Variants in ORMDL1 observed in about 807,000 individuals in gnomAD.
ORMDL1 encodes ORM1-like protein 1.
In ORMDL1, 10 loss-of-function variants were observed where a neutral mutation model predicts 13.0. The observed-to-expected ratio is 0.77, with a 90% confidence interval of 0.47 to 1.30. The LOEUF is 1.30. Ranked by LOEUF, ORMDL1 falls within the 50% of genes most tolerant of loss-of-function variation. The probability of loss-of-function intolerance (pLI) is 0.00; values close to 1 mark genes in which losing one functional copy is unlikely to be tolerated. For missense variants in ORMDL1, 171 were observed against 186.7 expected (o/e 0.92, Z 0.49); for synonymous variants, 61 against 63.9 (o/e 0.95, Z 0.22).
rs1405510340 is a variant in ORMDL1, at chr2:189,771,055, G to T, written c.*712C>A. The stretch of plus-strand genomic sequence containing the variant: ...GTTTAGCAGCCTTGTGTCTGGAAAA[G>T]CAGTAAAACCTGCTTTGTTCCAAAA... On this transcript the variant is annotated 3_prime_UTR_variant, in exon 5 of 5. Coordinates refer to ENST00000392349, the MANE Select transcript of ORMDL1 (RefSeq NM_016467.5). The T allele has an allele frequency of 6.6e-6, 1 of 152,168 alleles. No homozygotes were observed. Among genetic ancestry groups the T allele is most frequent in the Non-Finnish European group, 1.5e-5 (1 of 68,026 alleles). 9.4% of individuals were successfully genotyped at this position (152,168 alleles called of 1,614,324 possible).
chr2:189,775,478 A>T, intron 4 of ORMDL1, 87 bp downstream of exon 4: 1 of 1,383,736 alleles, frequency 7.2e-7, no homozygotes, highest in East Asian at 2.4e-5. Flanking sequence ...TTGCAACAAA[A>T]TATGTTTCTA....
At chr2:189,783,350 G>A (rs149045678) in intron 1 of ORMDL1, 35 of 152,266 alleles carry the variant, frequency 2.3e-4, no homozygotes, top group African/African-American at 7.7e-4. Context: ...TTTTAATGAT[G>A]GTGTTTACTT....
At chr2:189,781,905 T>C (rs1398642998) in intron 3 of ORMDL1, among the ~76,000 whole-genome samples, 2 of 151,234 alleles carry the variant, frequency 1.3e-5, no homozygotes. Context: ...TTAAAAACTA[T>C]GTTTAAACAC....
At position 189,771,801 on chromosome 2, in the gene ORMDL1, T is replaced by C. The variant is rs773437815; in HGVS notation, c.428A>G (p.His143Arg). Residue 143 changes from histidine to arginine, a missense_variant, in exon 5 of 5, where the codon CAT (histidine) becomes CGT (arginine). Physicochemically the swap from His to Arg is conservative, Grantham distance 29. Coordinates refer to ENST00000392349, the MANE Select transcript of ORMDL1 (RefSeq NM_016467.5). ...SVLIPKMPQL[H>R]GVRIFGINKY ...ATTAATTCCAAAGATCCGAACACCA[T>C]GTAGTTGTGGCATTTTGGGAATTAG... is the stretch of plus-strand genomic sequence containing the variant. 98 of 1,611,982 alleles carry C rather than the reference T, an allele frequency of 6.1e-5. 4 individuals are homozygous for C. Among genetic ancestry groups the C allele is most frequent in the South Asian group, 2.2e-4 (20 of 90,550 alleles).
downstream of ORMDL1, among the ~76,000 whole-genome samples, chr2:189,768,987 A>C (rs1445430626): frequency 6.6e-6 from 1 of 152,104 alleles, no homozygotes; most frequent in Non-Finnish European, 1.5e-5. Flanking sequence ...CAAATTGTAA[A>C]TTCTATTACA....
Position 189,782,560 on chromosome 2 carries a change from T to C in ORMDL1, c.36A>G (p.Pro12=). The part of the protein sequence containing the change: ...NVGVAHSEVN[P]NTRVMNSRGM... ...CCCGGCTGTTCATGACACGGGTATT[T>C]GGATTCACTTCACTGTGGGCAACTC... Residue 12 remains proline (P), a synonymous_variant, in exon 3 of 5, where the codon CCA becomes CCG. Transcript: ENST00000392349. 2.5e-6 allele frequency: 4 copies of C among 1,614,244 alleles called. No individual in the cohort carries two copies. The South Asian group carries it at 4.4e-5, about 18-fold the overall frequency.
chr2:189,767,660 T>A (rs925495941), downstream of ORMDL1, among the ~76,000 whole-genome samples: 1 of 152,234 alleles, frequency 6.6e-6, no homozygotes, highest in Non-Finnish European at 1.5e-5. Context: ...CACATACTTA[T>A]GCTGTCTGAG....
At position 189,779,813 on chromosome 2, in the gene ORMDL1, C is replaced by T. The variant is rs564190549; in HGVS notation, c.174+2609G>A. On this transcript the variant is annotated intron_variant, in intron 3 of 4. Coordinates refer to ENST00000392349, the MANE Select transcript of ORMDL1 (RefSeq NM_016467.5). ...AAGTTGAGAGTAAAGCAGTAGAAGA[C>T]AGTGCTCTGAGCAAATGGATATGGA... Among the ~76,000 whole-genome samples, 5 of 152,264 alleles carry T rather than the reference C, an allele frequency of 3.3e-5. No individual in the cohort carries two copies. In the South Asian group the frequency reaches 1.0e-3, roughly 32 times the overall value.
intron 3 of ORMDL1, 127 bp from the exon 4 acceptor site, chr2:189,775,843 T>A: frequency 3.6e-6 from 3 of 844,966 alleles, no homozygotes; most frequent in Non-Finnish European, 5.1e-6. Flanking sequence ...TTTTAAGCTT[T>A]CATATAATAG....
Position 189,771,784 on chromosome 2 carries a change from C to T in ORMDL1, c.445G>A (p.Gly149Arg). ...MPQLHGVRIF[G>R]INKY ...AAAACATTTCAATACTTATTAATTCCAAAGATCCGAACACCATGTAGTTGT... is the reference window on the plus strand; with the variant it reads ...AAAACATTTCAATACTTATTAATTCTAAAGATCCGAACACCATGTAGTTGT... The change falls in exon 5 of 5, where the codon GGA (glycine) becomes AGA (arginine). Residue 149 changes from glycine (G) to arginine (R), a missense_variant. Transcript: ENST00000392349. 6.3e-7 allele frequency: 1 copy of T among 1,592,434 alleles called. No individual in the cohort carries two copies. The highest frequency in any genetic ancestry group is 8.5e-7 in the Non-Finnish European group (1 of 1,173,826).
chr2:189,781,333 T>C (rs2047824036), intron 3 of ORMDL1, among the ~76,000 whole-genome samples: 1 of 152,234 alleles, frequency 6.6e-6, no homozygotes, highest in South Asian at 2.1e-4. Context: ...CTGGATTCAA[T>C]TAAAATCCTC....
chr2:189,765,808 G>A (rs1186308851), downstream of ORMDL1, among the ~76,000 whole-genome samples: 1 of 148,628 alleles, frequency 6.7e-6, no homozygotes, highest in Non-Finnish European at 1.5e-5. Context: ...CTTGGCTAGT[G>A]CTAAAAATAC....
chr2:189,766,014 A>G (rs2047478095), downstream of ORMDL1, among the ~76,000 whole-genome samples: 3 of 151,294 alleles, frequency 2.0e-5, no homozygotes, highest in African/African-American at 7.3e-5. Flanking sequence ...TTTAGTAGAG[A>G]CGGGGTTTCA....
chr2:189,771,935 A>G (rs770330583), intron 4 of ORMDL1, 33 bp from the exon 5 acceptor site: 2 of 1,447,002 alleles, frequency 1.4e-6, no homozygotes, highest in Admixed American at 4.9e-5. Flanking sequence ...TATATATAAC[A>G]TCCAAAAATA....
In ORMDL1 at chr2:189,782,530, C is replaced by G. The variant is rs2047879505; in HGVS notation, c.66G>C (p.Met22Ile). The change falls in exon 3 of 5, where the codon ATG becomes ATC. Residue 22 changes from methionine (M) to isoleucine (I), a missense_variant. By Grantham distance (10) the Met-to-Ile change is conservative (BLOSUM62 1). Coordinates refer to ENST00000392349, the MANE Select transcript of ORMDL1 (RefSeq NM_016467.5). ...PNTRVMNSRG[M>I]WLTYALGVGL... ...CAACTCCCAATGCATATGTCAGCCA[C>G]ATACCCCGGCTGTTCATGACACGGG... The G allele has an allele frequency of 1.2e-6, 2 of 1,614,090 alleles. No individual in the cohort carries two copies. Among genetic ancestry groups the G allele is most frequent in the African/African-American group, 2.7e-5 (2 of 74,942 alleles).
downstream of ORMDL1, chr2:189,765,324 T>G (rs894407684): frequency 1.3e-5 from 2 of 152,242 alleles, no homozygotes; most frequent in Non-Finnish European, 2.9e-5. Context: ...TACAGAATTA[T>G]GGAAATGTGA....
chr2:189,779,517 T>G (rs1422232795), intron 3 of ORMDL1, among the ~76,000 whole-genome samples: 2 of 152,214 alleles, frequency 1.3e-5, no homozygotes, highest in African/African-American at 4.8e-5. Context: ...ATTGCTAGTG[T>G]ATAGCCTCTA....
At chr2:189,774,580 A>C (rs2047652528) in intron 4 of ORMDL1, 2 of 152,236 alleles carry the variant, frequency 1.3e-5, no homozygotes, top group Non-Finnish European at 2.9e-5. Context: ...TATAGGCTAG[A>C]TGGTACAGAG....
intron 3 of ORMDL1, 87 bp downstream of exon 3, chr2:189,782,335 A>G: frequency 3.2e-6 from 4 of 1,257,984 alleles, no homozygotes; most frequent in African/African-American, 1.5e-5. Context: ...CCATTAAGCA[A>G]TAACTTTCCA....
Sources: gnomAD v4.1 joint callset for allele counts (sites outside exome capture counted in the v4.1 genomes callset) on GRCh38, gnomAD v4.1.1 for gene constraint, MANE v1.5 for transcripts, NCBI Gene and HGNC (gene_info 2026-07-23, HGNC 2026-07-21) for gene names.